The following CDKAL1 variants were observed in gnomAD, a reference collection of about 807,000 sequenced individuals.
CDKAL1 encodes threonylcarbamoyladenosine tRNA methylthiotransferase.
CDKAL1 carries 32 observed loss-of-function variants against 68.2 expected under a neutral mutation model. The ratio of observed to expected loss-of-function variants is 0.47; its 90% confidence interval spans 0.35 to 0.63. The LOEUF is 0.63. Among genes scored for constraint, CDKAL1 ranks in the 30% least tolerant of loss-of-function variants. The probability of loss-of-function intolerance (pLI) is 0.00; values close to 1 mark genes in which losing one functional copy is unlikely to be tolerated. For missense variants in CDKAL1, 606 were observed against 696.7 expected (o/e 0.87, Z 1.47); for synonymous variants, 234 against 244.3 (o/e 0.96, Z 0.39).
intron 4 of CDKAL1, among the ~76,000 whole-genome samples, chr6:20,637,425 T>G (rs991556136): frequency 2.6e-5 from 4 of 151,986 alleles, no homozygotes; most frequent in Non-Finnish European, 5.9e-5. Flanking sequence ...TAGCCGGGTG[T>G]GGTGGCGGGT....
chr6:21,228,536 T>A (rs544842074), intron 15 of CDKAL1, among the ~76,000 whole-genome samples: 38 of 152,326 alleles, frequency 2.5e-4, no homozygotes, highest in African/African-American at 8.9e-4. Context: ...ACAGGACACA[T>A]TGATCACCAG....
Position 21,065,478 on chromosome 6 carries a change from T to C in CDKAL1, c.1236+250T>C, listed in dbSNP as rs192825982. 5.6e-4 allele frequency among the ~76,000 whole-genome samples: 85 copies of C among 152,198 alleles called. 1 individual carries two copies. Among genetic ancestry groups the C allele is most frequent in the African/African-American group, 1.9e-3 (79 of 41,530 alleles). ...TGACTTGGGGAAAAAAATTTTTAAT[T>C]AGTATCTAGTATTTACCTGTGTGTA... On this transcript the variant is annotated intron_variant, in intron 12 of 15. Transcript: ENST00000274695.
chr6:21,191,722 G>A (rs1387140639), intron 13 of CDKAL1, among the ~76,000 whole-genome samples: 1 of 151,070 alleles, frequency 6.6e-6, no homozygotes, highest in Non-Finnish European at 1.5e-5. Flanking sequence ...TCTGTCTAGG[G>A]GAATACTGCT....
At chr6:20,937,540 C>A (rs1164068615) in intron 9 of CDKAL1, among the ~76,000 whole-genome samples, 2 of 152,208 alleles carry the variant, frequency 1.3e-5, no homozygotes, top group East Asian at 1.9e-4. Context: ...CATCTAGGAT[C>A]CCACATTACA....
intron 9 of CDKAL1, among the ~76,000 whole-genome samples, chr6:20,851,125 G>C (rs941439634): frequency 6.6e-6 from 1 of 151,778 alleles, no homozygotes; most frequent in East Asian, 1.9e-4. Flanking sequence ...GATTTACCAG[G>C]TAATTTCTGG....
chr6:20,779,307 A>T (rs2150372771), intron 7 of CDKAL1, among the ~76,000 whole-genome samples: 1 of 152,362 alleles, frequency 6.6e-6, no homozygotes, highest in Non-Finnish European at 1.5e-5. Context: ...GGGAAATAAA[A>T]CATATGTCCA....
chr6:21,075,406 A>C (rs760108898), intron 12 of CDKAL1, among the ~76,000 whole-genome samples: 3 of 152,120 alleles, frequency 2.0e-5, no homozygotes, highest in South Asian at 4.1e-4. Flanking sequence ...TAAATCCCAA[A>C]TGGATAAGAC....
At chr6:21,017,404 A>C (rs1324342806) in intron 11 of CDKAL1, among the ~76,000 whole-genome samples, 1 of 152,204 alleles carries the variant, frequency 6.6e-6, no homozygotes, top group Non-Finnish European at 1.5e-5. Flanking sequence ...GCAGAATACT[A>C]GTTCTGGGTC....
chr6:20,877,357 C>T (rs1363527838), intron 9 of CDKAL1, among the ~76,000 whole-genome samples: 1 of 152,198 alleles, frequency 6.6e-6, no homozygotes, highest in Non-Finnish European at 1.5e-5. Flanking sequence ...GGATTTTTAG[C>T]CTAATATCTT....
At chr6:20,809,816 T>C (rs9348445) in intron 8 of CDKAL1, among the ~76,000 whole-genome samples, 102,520 of 152,128 alleles carry the variant, frequency 0.67, 35,133 homozygotes, top group African/African-American at 0.78. Context: ...TGACTTTTTA[T>C]TGTATTCTTA....
chr6:21,083,972 G>A (rs4593348), intron 12 of CDKAL1, among the ~76,000 whole-genome samples: 48,187 of 151,978 alleles, frequency 0.32, 7,750 homozygotes, highest in Middle Eastern at 0.41. Flanking sequence ...CTTTATCGGC[G>A]ATGCTAAATT....
chr6:20,694,818 T>C (rs1771041294), intron 5 of CDKAL1, among the ~76,000 whole-genome samples: 2 of 152,198 alleles, frequency 1.3e-5, no homozygotes, highest in African/African-American at 4.8e-5. Context: ...GTTTGGGTCA[T>C]GGTCAGTAGC....
chr6:21,218,521 AGCTG>A (rs1779420398), intron 15 of CDKAL1, among the ~76,000 whole-genome samples: 1 of 152,236 alleles, frequency 6.6e-6, no homozygotes. Flanking sequence ...ATGTGGCCTT[AGCTG>A]AAGGCCCAAC....
intron 5 of CDKAL1, among the ~76,000 whole-genome samples, chr6:20,677,488 G>T (rs1770171452): frequency 6.6e-6 from 1 of 151,770 alleles, no homozygotes; most frequent in Non-Finnish European, 1.5e-5. Flanking sequence ...GCACGATCTT[G>T]CCTCATTGCT....
At chr6:20,589,898 G>A (rs1452225248) in intron 4 of CDKAL1, among the ~76,000 whole-genome samples, 2 of 152,088 alleles carry the variant, frequency 1.3e-5, no homozygotes, top group African/African-American at 4.8e-5. Context: ...AAGAATTTGG[G>A]TGATGGCACC....
chr6:20,906,547 C>A (rs926771473), intron 9 of CDKAL1, among the ~76,000 whole-genome samples: 2 of 152,000 alleles, frequency 1.3e-5, no homozygotes, highest in African/African-American at 2.4e-5. Context: ...CCCTGTTAAA[C>A]CCATTATAAA....
chr6:20,958,262 T>C (rs935965132), intron 10 of CDKAL1, among the ~76,000 whole-genome samples: 8 of 152,164 alleles, frequency 5.3e-5, no homozygotes, highest in African/African-American at 1.9e-4. Context: ...CTACACCATC[T>C]CAAAGTAAGA....
intron 10 of CDKAL1, among the ~76,000 whole-genome samples, chr6:20,956,169 A>G (rs1252693957): frequency 1.3e-5 from 2 of 152,154 alleles, no homozygotes; most frequent in Non-Finnish European, 2.9e-5. Flanking sequence ...AATACATGAC[A>G]TTTTCTTTCA....
chr6:20,730,900 G>A (rs1772894538), intron 5 of CDKAL1, among the ~76,000 whole-genome samples: 1 of 151,844 alleles, frequency 6.6e-6, no homozygotes, highest in African/African-American at 2.4e-5. Context: ...AGCCAGTGGT[G>A]TTGCTGTGGA....
Sources: allele counts gnomAD v4.1 joint callset (sites outside exome capture counted in the v4.1 genomes callset), GRCh38; gene constraint gnomAD v4.1.1; transcripts MANE v1.5; gene names NCBI Gene and HGNC (gene_info 2026-07-23, HGNC 2026-07-21).